The following MACROH2A1 variants were observed in gnomAD, a reference collection of about 807,000 sequenced individuals.
MACROH2A1 encodes macroH2A.1 histone.
A neutral mutation model predicts 31.6 loss-of-function variants in MACROH2A1; 2 were observed. The ratio of observed to expected loss-of-function variants is 0.06; its 90% CI spans 0.03 to 0.20. The LOEUF (loss-of-function observed/expected upper bound fraction) is 0.20, where lower values mean the gene tolerates loss of function less well. Among genes scored for constraint, MACROH2A1 ranks in the 10% least tolerant of loss-of-function variants. MACROH2A1 has a pLI of 1.00. For missense variants in MACROH2A1, 230 were observed against 474.0 expected (o/e 0.49, Z 4.78); for synonymous variants, 169 against 189.6 (o/e 0.89, Z 0.89).
intron 4 of MACROH2A1, chr5:135,360,980 A>G (rs1256839473): frequency 1.4e-5 from 5 of 356,262 alleles, no homozygotes; most frequent in Non-Finnish European, 2.7e-5. Context: ...CAAGCTTAAG[A>G]AGAAAAACTG....
chr5:135,340,829 TGAAA>T (rs1454660004), intron 8 of MACROH2A1, among the ~76,000 whole-genome samples: 1 of 152,240 alleles, frequency 6.6e-6, no homozygotes, highest in Non-Finnish European at 1.5e-5. Flanking sequence ...TTTTTACTCA[TGAAA>T]GAGAGGGCAG....
At chr5:135,376,668 T>C (rs549429780) in intron 2 of MACROH2A1, among the ~76,000 whole-genome samples, 1 of 152,302 alleles carries the variant, frequency 6.6e-6, no homozygotes, top group South Asian at 2.1e-4. Flanking sequence ...TAATTATCTG[T>C]AAGATGTGGC....
At chr5:135,357,900 A>G in intron 5 of MACROH2A1, 1 of 985,212 alleles carries the variant, frequency 1.0e-6, no homozygotes, top group Non-Finnish European at 1.2e-6. Context: ...CTTAGCAACC[A>G]TGCCTTACAG....
chr5:135,335,578 C>T (rs1758514268), intron 8 of MACROH2A1, among the ~76,000 whole-genome samples: 1 of 152,138 alleles, frequency 6.6e-6, no homozygotes. Flanking sequence ...TATCCACCCA[C>T]ACAGAAGAGT....
intron 8 of MACROH2A1, among the ~76,000 whole-genome samples, chr5:135,338,485 G>A (rs1044055945): frequency 2.6e-5 from 4 of 152,204 alleles, no homozygotes; most frequent in African/African-American, 9.7e-5. Context: ...TTCCACCCTC[G>A]TCCCTGGGAT....
chr5:135,348,355 G>T (rs188621157), intron 6 of MACROH2A1, among the ~76,000 whole-genome samples: 1 of 152,346 alleles, frequency 6.6e-6, no homozygotes, highest in Non-Finnish European at 1.5e-5. Flanking sequence ...TGAGAACAAG[G>T]ACATTATTTC....
In MACROH2A1 at chr5:135,383,700, G is replaced by GTGGT. The variant is rs1554099982; in HGVS notation, c.172+5221_172+5222insACCA. 5.8e-5 allele frequency among the ~76,000 whole-genome samples: 8 copies of GTGGT among 137,224 alleles called. No homozygotes were observed. In the South Asian group the frequency reaches 2.0e-3, roughly 34 times the overall value. 90.0% of individuals were successfully genotyped at this position (137,224 alleles called of 152,430 possible). ...GTCCCTTTCCTGTGTGATGTGGTGT[G>GTGGT]GTGTGTGTGTGTGTGTGTGTGTGTG... On this transcript the variant is annotated intron_variant, in intron 2 of 8. Transcript: ENST00000511689.
chr5:135,359,824 A>G, intron 5 of MACROH2A1: 1 of 955,388 alleles, frequency 1.0e-6, no homozygotes, highest in Non-Finnish European at 1.2e-6. Flanking sequence ...CAATAAAGAA[A>G]TATTAGTTAA....
At chr5:135,372,201 T>C (rs1281728119) in intron 2 of MACROH2A1, among the ~76,000 whole-genome samples, 1 of 152,170 alleles carries the variant, frequency 6.6e-6, no homozygotes, top group Non-Finnish European at 1.5e-5. Context: ...GTCTTCTCAG[T>C]GTTCCCAGGC....
intron 2 of MACROH2A1, among the ~76,000 whole-genome samples, chr5:135,387,379 T>G (rs1284966853): frequency 6.6e-6 from 1 of 152,166 alleles, no homozygotes; most frequent in African/African-American, 2.4e-5. Context: ...ACACAAAAAC[T>G]TTACCTTCCT....
At chr5:135,336,672 C>T (rs551461951) in intron 8 of MACROH2A1, among the ~76,000 whole-genome samples, 3 of 152,204 alleles carry the variant, frequency 2.0e-5, no homozygotes, top group South Asian at 2.1e-4. Flanking sequence ...GGATGGAGGG[C>T]GGCATGTATA....
chr5:135,394,727 A>G (rs1398882758), intron 1 of MACROH2A1, among the ~76,000 whole-genome samples: 1 of 152,182 alleles, frequency 6.6e-6, no homozygotes, highest in Non-Finnish European at 1.5e-5. Flanking sequence ...CACTCAGTGC[A>G]TGGTATCATC....
intron 6 of MACROH2A1, chr5:135,350,587 A>T (rs553000269): frequency 2.8e-5 from 13 of 464,096 alleles, no homozygotes; most frequent in African/African-American, 2.5e-4. Context: ...ATTCTGCTGA[A>T]CCAGTTTTCA....
intron 2 of MACROH2A1, among the ~76,000 whole-genome samples, chr5:135,378,361 TGCCTGTGC>T (rs916526205): frequency 2.4e-4 from 36 of 152,338 alleles, no homozygotes; most frequent in African/African-American, 7.7e-4. Flanking sequence ...ACCCACCTCC[TGCCTGTGC>T]GCTCTAGACT....
At chr5:135,392,497 C>G (rs1767383590) in intron 1 of MACROH2A1, among the ~76,000 whole-genome samples, 1 of 152,226 alleles carries the variant, frequency 6.6e-6, no homozygotes, top group African/African-American at 2.4e-5. Flanking sequence ...CCCCAAGCTG[C>G]AGCCACAGCT....
intron 2 of MACROH2A1, among the ~76,000 whole-genome samples, chr5:135,370,511 C>T (rs1261558167): frequency 6.6e-6 from 1 of 151,378 alleles, no homozygotes; most frequent in East Asian, 1.9e-4. Context: ...ACCCAAAGTC[C>T]TCAGTGTGGT....
chr5:135,384,779 A>T (rs541400985), intron 2 of MACROH2A1, among the ~76,000 whole-genome samples: 4 of 152,250 alleles, frequency 2.6e-5, no homozygotes, highest in African/African-American at 9.6e-5. Flanking sequence ...CATCAGCCTC[A>T]TAAGAACCTG....
chr5:135,397,032 G>A (rs999746482), intron 1 of MACROH2A1, among the ~76,000 whole-genome samples: 1 of 152,080 alleles, frequency 6.6e-6, no homozygotes, highest in Non-Finnish European at 1.5e-5. Context: ...ATGGGGCTCT[G>A]AAAAGGCTGT....
At chr5:135,360,116 G>A (rs562859276) in intron 5 of MACROH2A1, 31 of 275,660 alleles carry the variant, frequency 1.1e-4, no homozygotes, top group Non-Finnish European at 2.0e-4. Flanking sequence ...CAAGCAGGCT[G>A]CCGGCTAGGT....
Sources: allele counts gnomAD v4.1 joint callset (sites outside exome capture counted in the v4.1 genomes callset), GRCh38; gene constraint gnomAD v4.1.1; transcripts MANE v1.5; gene names NCBI Gene and HGNC (gene_info 2026-07-23, HGNC 2026-07-21).